The following ADAMTS17 variants were observed in gnomAD, a reference collection of about 807,000 sequenced individuals.
ADAMTS17 encodes the protein ADAM metallopeptidase with thrombospondin type 1 motif 17.
In ADAMTS17, 113 loss-of-function variants were observed where a neutral mutation model predicts 141.5. The ratio of observed to expected loss-of-function variants is 0.80; its 90% CI spans 0.69 to 0.93. The LOEUF is 0.93. Among genes scored for constraint, ADAMTS17 ranks in the 40% least tolerant of loss-of-function variants. The pLI is 0.00. For missense variants in ADAMTS17, 1,659 were observed against 1,517.9 expected, an observed-to-expected ratio of 1.09 and a Z score of -1.54; for synonymous variants, 768 against 630.6, an observed-to-expected ratio of 1.22 and a Z score of -3.27.
intron 7 of ADAMTS17, among the ~76,000 whole-genome samples, chr15:100,214,183 C>G (rs921482820): frequency 2.6e-5 from 4 of 152,316 alleles, no homozygotes; most frequent in African/African-American, 9.6e-5. Context: ...ACCCCACCGT[C>G]TCCCCCTTCA....
At chr15:100,043,645 A>G (rs980509957) in intron 18 of ADAMTS17, among the ~76,000 whole-genome samples, 1 of 152,236 alleles carries the variant, frequency 6.6e-6, no homozygotes, top group East Asian at 1.9e-4. Context: ...CAAATTTTAC[A>G]TGTTTTAAAG....
chr15:100,335,450 C>T (rs2046180251), intron 2 of ADAMTS17, among the ~76,000 whole-genome samples: 3 of 152,328 alleles, frequency 2.0e-5, no homozygotes, highest in South Asian at 2.1e-4. Context: ...CCCAGAGCCC[C>T]GCCCTGCCCA....
chr15:100,326,025 C>T (rs896054139), intron 3 of ADAMTS17, among the ~76,000 whole-genome samples: 5 of 152,114 alleles, frequency 3.3e-5, no homozygotes, highest in African/African-American at 9.7e-5. Context: ...TGGGTCTGTG[C>T]AGCTTTGGAG....
chr15:100,235,650 T>C (rs1252601412), intron 7 of ADAMTS17, among the ~76,000 whole-genome samples: 1 of 152,226 alleles, frequency 6.6e-6, no homozygotes, highest in East Asian at 1.9e-4. Flanking sequence ...TGCTGTGGTC[T>C]GGGATCACCC....
intron 3 of ADAMTS17, among the ~76,000 whole-genome samples, chr15:100,295,764 C>T (rs1402429249): frequency 1.3e-5 from 2 of 152,176 alleles, no homozygotes; most frequent in Non-Finnish European, 2.9e-5. Context: ...AAATACCTAG[C>T]ATGGTTCCAG....
intron 7 of ADAMTS17, among the ~76,000 whole-genome samples, chr15:100,205,864 A>G (rs1255146651): frequency 6.6e-6 from 1 of 152,194 alleles, no homozygotes; most frequent in Non-Finnish European, 1.5e-5. Context: ...CAGGGCCTGA[A>G]GGGTGGGCGC....
intron 14 of ADAMTS17, among the ~76,000 whole-genome samples, chr15:100,103,414 C>G (rs1312607542): frequency 6.6e-6 from 1 of 152,176 alleles, no homozygotes; most frequent in African/African-American, 2.4e-5. Flanking sequence ...TTTGAATTCT[C>G]CTAAACTTCC....
At chr15:100,263,437 CA>C (rs1416642824) in intron 4 of ADAMTS17, among the ~76,000 whole-genome samples, 2 of 152,146 alleles carry the variant, frequency 1.3e-5, no homozygotes, top group African/African-American at 2.4e-5. Context: ...AAATAAATTG[CA>C]ATAACAGAAA....
At chr15:100,152,047 T>G (rs560991334) in intron 10 of ADAMTS17, among the ~76,000 whole-genome samples, 1 of 152,188 alleles carries the variant, frequency 6.6e-6, no homozygotes, top group Non-Finnish European at 1.5e-5. Flanking sequence ...TGAAGACTAA[T>G]TGGGATCACA....
chr15:100,069,027 C>G (rs1389702995), intron 15 of ADAMTS17, among the ~76,000 whole-genome samples: 2 of 152,144 alleles, frequency 1.3e-5, no homozygotes, highest in Non-Finnish European at 2.9e-5. Context: ...ACTAGAATAA[C>G]CAATGCAGAG....
At chr15:100,199,752 T>C (rs1347760298) in intron 7 of ADAMTS17, among the ~76,000 whole-genome samples, 2 of 152,194 alleles carry the variant, frequency 1.3e-5, no homozygotes, top group Non-Finnish European at 2.9e-5. Flanking sequence ...CAAGGTCACC[T>C]GGATGGGCAC....
At chr15:100,188,913 T>G (rs1435970307) in intron 8 of ADAMTS17, among the ~76,000 whole-genome samples, 1 of 151,828 alleles carries the variant, frequency 6.6e-6, no homozygotes, top group African/African-American at 2.4e-5. Context: ...AGAAACAAGA[T>G]GGAAAAAAAA....
intron 13 of ADAMTS17, among the ~76,000 whole-genome samples, chr15:100,115,249 C>T (rs2037041548): frequency 6.6e-6 from 1 of 152,230 alleles, no homozygotes. Flanking sequence ...CTGCATCCGA[C>T]TCACAGCCAG....
chr15:100,105,949 C>A (rs1382780659), intron 14 of ADAMTS17, among the ~76,000 whole-genome samples: 1 of 152,126 alleles, frequency 6.6e-6, no homozygotes, highest in Non-Finnish European at 1.5e-5. Context: ...CCTTGGCCTC[C>A]CAAAGATCTG....
rs8038842 is a variant in ADAMTS17 at position 100,199,651 on chromosome 15, G to A, written c.1076-228C>T. The stretch of plus-strand genomic sequence containing the variant: ...ATCAGGCATCTAATACGCGTCGGGG[G>A]TGTGCTGAGTAGAGTACCCATAGCA... On this transcript the variant is annotated intron_variant, in intron 7 of 21. Transcript: ENST00000268070. 0.019 allele frequency among the ~76,000 whole-genome samples: 2,857 copies of A among 152,292 alleles called. 82 individuals carry two copies. Among genetic ancestry groups the A allele is most frequent in the African/African-American group, 0.064 (2,668 of 41,542 alleles).
At position 99,972,400 on chromosome 15, in the gene ADAMTS17, C is replaced by A. The variant is rs1288807668; in HGVS notation, c.*2002G>T. On this transcript the variant is annotated 3_prime_UTR_variant, in exon 22 of 22. Transcript: ENST00000268070. ...CTTGCCAGGGTGACAGTGGGCATAT[C>A]TGGAGGCCCCGGGGCCCATGCAGGA... 1 of 152,248 alleles carries A rather than the reference C, an allele frequency of 6.6e-6. No homozygotes were observed. Among genetic ancestry groups the A allele is most frequent in the East Asian group, 1.9e-4 (1 of 5,194 alleles). The allele number at this position is 152,248 out of a possible 1,614,324, so 9.4% of individuals were successfully genotyped here. A position where few individuals can be genotyped will look rare whatever the true frequency, so the allele number is the denominator to read the frequency against.
intron 12 of ADAMTS17, among the ~76,000 whole-genome samples, chr15:100,117,762 C>T (rs1025999348): frequency 2.0e-5 from 3 of 152,168 alleles, no homozygotes; most frequent in Admixed American, 6.5e-5. Flanking sequence ...CCTGGGCAAC[C>T]TCAGTGGTTC....
chr15:100,191,169 G>T (rs149983017), intron 8 of ADAMTS17, among the ~76,000 whole-genome samples: 59 of 152,278 alleles, frequency 3.9e-4, no homozygotes, highest in Admixed American at 1.8e-3. Context: ...ACACCACCTT[G>T]GATGACATTA....
intron 3 of ADAMTS17, among the ~76,000 whole-genome samples, chr15:100,282,378 T>A (rs73484150): frequency 6.6e-6 from 1 of 152,190 alleles, no homozygotes; most frequent in Admixed American, 6.5e-5. Context: ...AGGGGCTATG[T>A]TCCAAGACTC....
Sources: allele counts gnomAD v4.1 joint callset (sites outside exome capture counted in the v4.1 genomes callset), GRCh38; gene constraint gnomAD v4.1.1; transcripts MANE v1.5; gene names NCBI Gene and HGNC (gene_info 2026-07-23, HGNC 2026-07-21).